SCHIP1: variants seen among roughly 807,000 people sequenced by gnomAD.
SCHIP1 encodes schwannomin-interacting protein 1.
In SCHIP1, 8 loss-of-function variants were observed where a neutral mutation model predicts 29.7. The observed-to-expected ratio is 0.27, with a 90% CI of 0.16 to 0.49. SCHIP1 has a LOEUF of 0.49. Ranked by LOEUF, SCHIP1 falls within the 20% of genes least tolerant of loss-of-function variation. SCHIP1 has a pLI of 0.99. For synonymous variants in SCHIP1, 76 were observed against 94.9 expected (o/e 0.80, Z 1.16); for missense variants, 193 against 294.6 (o/e 0.66, Z 2.52).
the SCHIP1 span, among the ~76,000 whole-genome samples, chr3:159,435,800 A>C: frequency 6.6e-6 from 1 of 152,106 alleles, no homozygotes; most frequent in African/African-American, 2.4e-5. Context: ...CCTCATGCAA[A>C]GCAGGTGAGA....
At chr3:159,607,329 ATT>A in the SCHIP1 span, among the ~76,000 whole-genome samples, 1 of 151,516 alleles carries the variant, frequency 6.6e-6, no homozygotes, top group African/African-American at 2.4e-5. Context: ...ATCTGGCAGA[ATT>A]TTTTTTTGCT....
chr3:159,736,887 A>G, the SCHIP1 span, among the ~76,000 whole-genome samples: 4 of 152,214 alleles, frequency 2.6e-5, no homozygotes, highest in East Asian at 7.7e-4. Context: ...GGCACCCGCC[A>G]CCACGCCCGG....
the SCHIP1 span, among the ~76,000 whole-genome samples, chr3:159,707,134 G>T: frequency 2.6e-5 from 4 of 152,306 alleles, no homozygotes; most frequent in East Asian, 5.8e-4. Context: ...TTTATTTGGG[G>T]TATACCTGGG....
At chr3:159,449,949 AGAG>A in the SCHIP1 span, among the ~76,000 whole-genome samples, 1 of 152,008 alleles carries the variant, frequency 6.6e-6, no homozygotes, top group African/African-American at 2.4e-5. Context: ...AGAAAAAGAG[AGAG>A]AAGAGAGGGA....
the SCHIP1 span, among the ~76,000 whole-genome samples, chr3:159,292,049 C>A: frequency 8.6e-5 from 13 of 152,016 alleles, no homozygotes; most frequent in African/African-American, 2.7e-4. Context: ...ACCATTAATC[C>A]TTTTCTTAGT....
the SCHIP1 span, among the ~76,000 whole-genome samples, chr3:159,581,246 G>A: frequency 2.4e-4 from 36 of 152,162 alleles, 2 homozygotes; most frequent in African/African-American, 8.4e-4. Flanking sequence ...GGGACTTCAG[G>A]ACCCACAGAA....
chr3:159,850,955 T>C (rs954189771), intron 1 of SCHIP1, among the ~76,000 whole-genome samples: 4 of 152,178 alleles, frequency 2.6e-5, no homozygotes, highest in African/African-American at 9.7e-5. Flanking sequence ...CTACTAGATT[T>C]GTCTGTGTTG....
the SCHIP1 span, among the ~76,000 whole-genome samples, chr3:159,771,401 G>A: frequency 3.3e-5 from 5 of 152,226 alleles, no homozygotes; most frequent in East Asian, 3.8e-4. Flanking sequence ...CTGGGGCACA[G>A]CATTGAAAAC....
At chr3:159,612,158 T>G in the SCHIP1 span, among the ~76,000 whole-genome samples, 2 of 152,066 alleles carry the variant, frequency 1.3e-5, no homozygotes, top group Non-Finnish European at 2.9e-5. Context: ...AACTGTACTT[T>G]GCAGAAATAA....
chr3:159,408,465 A>T, the SCHIP1 span, among the ~76,000 whole-genome samples: 2 of 151,944 alleles, frequency 1.3e-5, no homozygotes, highest in African/African-American at 2.4e-5. Context: ...TAAATTTTTT[A>T]AAATCAGTGA....
At chr3:159,655,306 T>C in the SCHIP1 span, among the ~76,000 whole-genome samples, 5 of 152,212 alleles carry the variant, frequency 3.3e-5, no homozygotes, top group Admixed American at 6.5e-5. Flanking sequence ...AATTTTCAGA[T>C]GTCAACAAGT....
intron 2 of SCHIP1, among the ~76,000 whole-genome samples, chr3:159,877,103 C>T (rs1217159792): frequency 6.6e-6 from 1 of 152,182 alleles, no homozygotes; most frequent in African/African-American, 2.4e-5. Context: ...AATCCCAGCA[C>T]TTTAGGAGGC....
the SCHIP1 span, among the ~76,000 whole-genome samples, chr3:159,684,460 C>T: frequency 1.2e-3 from 190 of 152,234 alleles, no homozygotes; most frequent in African/African-American, 4.5e-3. Flanking sequence ...GGCATTAACC[C>T]TTCCATGTTA....
chr3:159,860,412 T>G (rs1428776010), intron 1 of SCHIP1, among the ~76,000 whole-genome samples: 2 of 152,134 alleles, frequency 1.3e-5, no homozygotes, highest in Non-Finnish European at 2.9e-5. Flanking sequence ...TGTCTTTGAT[T>G]TAGAACATGC....
the SCHIP1 span, among the ~76,000 whole-genome samples, chr3:159,461,654 C>T: frequency 2.0e-5 from 3 of 151,250 alleles, no homozygotes; most frequent in Non-Finnish European, 4.4e-5. Flanking sequence ...TGGCTCACTG[C>T]AACCTCCGCC....
At chr3:159,293,533 C>A in the SCHIP1 span, among the ~76,000 whole-genome samples, 1 of 152,192 alleles carries the variant, frequency 6.6e-6, no homozygotes, top group African/African-American at 2.4e-5. Context: ...CTGCTCCAAT[C>A]TGTGGCCTGA....
intron 1 of SCHIP1, among the ~76,000 whole-genome samples, chr3:159,857,383 G>A (rs1713512126): frequency 6.6e-6 from 1 of 152,098 alleles, no homozygotes. Flanking sequence ...CTCCTCGCTA[G>A]TTGCCTTAGG....
At chr3:159,458,436 G>C in the SCHIP1 span, among the ~76,000 whole-genome samples, 1 of 152,234 alleles carries the variant, frequency 6.6e-6, no homozygotes, top group African/African-American at 2.4e-5. Flanking sequence ...GGACACAAGA[G>C]TGGCCTCTGA....
chr3:159,388,470 T>C, the SCHIP1 span, among the ~76,000 whole-genome samples: 6 of 152,136 alleles, frequency 3.9e-5, no homozygotes, highest in African/African-American at 1.4e-4. Flanking sequence ...ATAAAAGATT[T>C]AGTAATTTTA....
Sources: gnomAD v4.1 joint callset for allele counts (sites outside exome capture counted in the v4.1 genomes callset) on GRCh38, gnomAD v4.1.1 for gene constraint, MANE v1.5 for transcripts, NCBI Gene and HGNC (gene_info 2026-07-23, HGNC 2026-07-21) for gene names.